Variants in GALNT14 observed in about 807,000 individuals in gnomAD.
GALNT14 encodes the protein UDP-GalNAc:polypeptide N-acetylgalactosaminyltransferase 14.
A neutral mutation model predicts 77.5 loss-of-function variants in GALNT14; 60 were observed. That is an observed-to-expected ratio of 0.77 (90% CI 0.63 to 0.96). The LOEUF (loss-of-function observed/expected upper bound fraction) is 0.96, where lower values mean the gene tolerates loss of function less well. Among genes scored for constraint, GALNT14 ranks in the 40% least tolerant of loss-of-function variants. The pLI is 0.00. For synonymous variants in GALNT14, 280 were observed against 281.7 expected, an observed-to-expected ratio of 0.99 and a Z score of 0.06; for missense variants, 710 against 731.0, an observed-to-expected ratio of 0.97 and a Z score of 0.33.
At chr2:30,980,724 C>T (rs1375847320) in intron 2 of GALNT14, among the ~76,000 whole-genome samples, 1 of 152,224 alleles carries the variant, frequency 6.6e-6, no homozygotes, top group Non-Finnish European at 1.5e-5. Context: ...ATGACCTCTT[C>T]ACCCAAAGGG....
intron 1 of GALNT14, among the ~76,000 whole-genome samples, chr2:31,028,198 T>C (rs1288814009): frequency 6.6e-6 from 1 of 152,144 alleles, no homozygotes; most frequent in Non-Finnish European, 1.5e-5. Flanking sequence ...TCAGGTGAGG[T>C]TGCTTGGCTG....
intron 1 of GALNT14, among the ~76,000 whole-genome samples, chr2:31,098,453 TA>T (rs1036143460): frequency 2.2e-4 from 33 of 152,258 alleles, no homozygotes; most frequent in African/African-American, 3.8e-4. Flanking sequence ...ATAATCCCTT[TA>T]AAAAATACAT....
intron 1 of GALNT14, among the ~76,000 whole-genome samples, chr2:31,010,370 C>T (rs12989187): frequency 0.26 from 39,485 of 152,000 alleles, 5,225 homozygotes; most frequent in East Asian, 0.38. Context: ...GAGGCCAAGG[C>T]GGGCAGATCA....
chr2:31,072,143 A>G (rs1675416695), intron 1 of GALNT14, among the ~76,000 whole-genome samples: 1 of 152,134 alleles, frequency 6.6e-6, no homozygotes. Flanking sequence ...GGAAGGCACC[A>G]TCTTCCCTCT....
intron 9 of GALNT14, among the ~76,000 whole-genome samples, chr2:30,937,195 A>G (rs776248793): frequency 1.9e-4 from 29 of 152,264 alleles, no homozygotes; most frequent in Non-Finnish European, 3.5e-4. Context: ...CCAGCAGGTC[A>G]CACATAATCC....
In GALNT14 at chr2:30,955,966, T is replaced by C; in HGVS notation, c.478A>G (p.Lys160Glu). ...ACCTTGGGCAACTTGATGAGCTGTT[T>C]ACAGTCATCAGCTGCAAAGACAAAA... The part of the protein sequence containing the change: ...DDFSNDPDDC[K>E]QLIKLPKVKC... The change falls in exon 5 of 15, where the codon AAA becomes GAA. Residue 160 changes from lysine to glutamate, a missense_variant. Transcript: ENST00000349752. 1 of 1,614,214 alleles carries C rather than the reference T, an allele frequency of 6.2e-7. No individual in the cohort carries two copies. Among genetic ancestry groups the C allele is most frequent in the Non-Finnish European group, 8.5e-7 (1 of 1,180,038 alleles).
chr2:30,887,450 C>T, the GALNT14 span, among the ~76,000 whole-genome samples: 58 of 152,004 alleles, frequency 3.8e-4, 2 homozygotes, highest in East Asian at 0.011. Flanking sequence ...TGGTAGTTTG[C>T]CTTGCATTTT....
chr2:30,925,054 G>A (rs574745125), intron 11 of GALNT14, among the ~76,000 whole-genome samples: 98 of 152,330 alleles, frequency 6.4e-4, no homozygotes, highest in African/African-American at 2.3e-3. Flanking sequence ...TAATGACAGC[G>A]AGGACTGGTG....
intron 1 of GALNT14, among the ~76,000 whole-genome samples, chr2:31,011,617 G>C (rs1173492418): frequency 6.6e-6 from 1 of 152,152 alleles, no homozygotes; most frequent in Admixed American, 6.5e-5. Context: ...GCACCTGGCT[G>C]TTAAGAGGAG....
rs542122879 is a variant in GALNT14 at position 31,103,337 on chromosome 2, A to G, written c.129+34621T>C. Reference sequence around the variant, plus strand: ...TTAACTCTACATTACAAGCAAAGATAAAGTTGGTGTATTCCCTTTCACTGT... The same window carrying G: ...TTAACTCTACATTACAAGCAAAGATGAAGTTGGTGTATTCCCTTTCACTGT... On this transcript the variant is annotated intron_variant, in intron 1 of 14. Transcript: ENST00000349752. 7.9e-5 allele frequency among the ~76,000 whole-genome samples: 12 copies of G among 152,122 alleles called. 1 individual carries two copies. In the South Asian group the frequency reaches 2.5e-3, roughly 32 times the overall value.
intron 2 of GALNT14, among the ~76,000 whole-genome samples, chr2:30,973,591 G>A (rs1412204945): frequency 1.3e-5 from 2 of 152,166 alleles, no homozygotes; most frequent in Non-Finnish European, 2.9e-5. Context: ...TGGCCCCTTG[G>A]TTCAAACTGA....
At chr2:30,897,333 A>C in the GALNT14 span, among the ~76,000 whole-genome samples, 1 of 152,122 alleles carries the variant, frequency 6.6e-6, no homozygotes, top group South Asian at 2.1e-4. Flanking sequence ...GGCAAGATGA[A>C]GCAGACCCCA....
rs144966888 is a variant in GALNT14, at chr2:31,102,265, C to A, written c.129+35693G>T. On this transcript the variant is annotated intron_variant, in intron 1 of 14. Coordinates refer to ENST00000349752, the MANE Select transcript of GALNT14 (RefSeq NM_024572.4). ...CTTAGATGATTAATTCATGTTTGATCATTCTTTTGTGTATATATTTAAGCC... is the reference window on the plus strand; with the variant it reads ...CTTAGATGATTAATTCATGTTTGATAATTCTTTTGTGTATATATTTAAGCC... Among the ~76,000 whole-genome samples the A allele has an allele frequency of 8.5e-3, 1,294 of 152,044 alleles. 11 individuals are homozygous for A. Among genetic ancestry groups the A allele is most frequent in the Non-Finnish European group, 0.015 (1,039 of 67,950 alleles).
rs763749157 is a variant in GALNT14, at chr2:31,054,213, CT to C, written c.130-61207del. Among the ~76,000 whole-genome samples the C allele has an allele frequency of 2.7e-4, 41 of 152,188 alleles. 1 individual carries two copies. The highest frequency in any genetic ancestry group is 2.6e-4 in the Non-Finnish European group (18 of 68,046). On this transcript the variant is annotated intron_variant, in intron 1 of 14. Transcript: ENST00000349752. Reference sequence around the variant, plus strand: ...ATGAGCTGTCTGCTTAATGGCTGTACTGATTTTTTTCAAAAGTAGTTTGCAA... The same window carrying C: ...ATGAGCTGTCTGCTTAATGGCTGTACGATTTTTTTCAAAAGTAGTTTGCAA...
At chr2:30,979,757 C>A (rs963230750) in intron 2 of GALNT14, among the ~76,000 whole-genome samples, 2 of 152,178 alleles carry the variant, frequency 1.3e-5, no homozygotes, top group Non-Finnish European at 2.9e-5. Context: ...GCTTACTTTG[C>A]CAGTCACCTG....
At chr2:31,073,568 C>T (rs2148568931) in intron 1 of GALNT14, among the ~76,000 whole-genome samples, 1 of 152,160 alleles carries the variant, frequency 6.6e-6, no homozygotes, top group South Asian at 2.1e-4. Context: ...GGAGGGAAAA[C>T]AACTGCAAAG....
chr2:30,958,862 G>A (rs1667521507), intron 3 of GALNT14, among the ~76,000 whole-genome samples: 1 of 152,118 alleles, frequency 6.6e-6, no homozygotes, highest in Non-Finnish European at 1.5e-5. Flanking sequence ...CCTCTCCCAG[G>A]CCATCTTGCT....
chr2:30,930,367 G>A (rs1432523717), intron 10 of GALNT14, among the ~76,000 whole-genome samples: 1 of 152,234 alleles, frequency 6.6e-6, no homozygotes, highest in Admixed American at 6.5e-5. Flanking sequence ...CAGTTAGCCT[G>A]CTGCAGGTGT....
intron 1 of GALNT14, among the ~76,000 whole-genome samples, chr2:31,077,924 G>A (rs2194471): frequency 0.55 from 83,407 of 151,822 alleles, 23,798 homozygotes; most frequent in African/African-American, 0.71. Context: ...GTCCACAGAG[G>A]AATGTATAGT....
Sources: gnomAD v4.1 joint callset for allele counts (sites outside exome capture counted in the v4.1 genomes callset) on GRCh38, gnomAD v4.1.1 for gene constraint, MANE v1.5 for transcripts, NCBI Gene and HGNC (gene_info 2026-07-23, HGNC 2026-07-21) for gene names.